Variants in RALYL observed in about 807,000 individuals in gnomAD.
The protein encoded by RALYL is RNA-binding Raly-like protein.
In RALYL, 29 loss-of-function variants were observed where a neutral mutation model predicts 35.1. The ratio of observed to expected loss-of-function variants is 0.83; its 90% CI spans 0.61 to 1.13. RALYL has a LOEUF of 1.13. Ranked by LOEUF, RALYL falls within the 50% of genes most tolerant of loss-of-function variation. The pLI is 0.00. For synonymous variants in RALYL, 120 were observed against 127.6 expected (o/e 0.94, Z 0.40); for missense variants, 359 against 360.4 (o/e 1.00, Z 0.03).
intron 2 of RALYL, among the ~76,000 whole-genome samples, chr8:84,596,146 T>C (rs1466649997): frequency 6.9e-6 from 1 of 145,018 alleles, no homozygotes; most frequent in Non-Finnish European, 1.6e-5. Context: ...AGTGTAAATT[T>C]TGAGAAGATG....
intron 1 of RALYL, among the ~76,000 whole-genome samples, chr8:84,395,592 T>C (rs1413465865): frequency 1.3e-5 from 2 of 151,946 alleles, no homozygotes; most frequent in African/African-American, 2.4e-5. Flanking sequence ...TAACATTTTG[T>C]TGTTTTCTAT....
intron 1 of RALYL, among the ~76,000 whole-genome samples, chr8:84,286,875 A>G (rs982853019): frequency 6.6e-6 from 1 of 152,166 alleles, no homozygotes; most frequent in African/African-American, 2.4e-5. Flanking sequence ...GTCAGGGTTC[A>G]GTCATCAGAT....
intron 2 of RALYL, among the ~76,000 whole-genome samples, chr8:84,731,802 C>A (rs1262162237): frequency 1.3e-5 from 2 of 152,080 alleles, no homozygotes; most frequent in African/African-American, 4.8e-5. Context: ...TTTAAAAAAA[C>A]CAAAGTCCTT....
At chr8:84,445,976 A>C (rs2048808015) in intron 1 of RALYL, among the ~76,000 whole-genome samples, 1 of 151,832 alleles carries the variant, frequency 6.6e-6, no homozygotes, top group Non-Finnish European at 1.5e-5. Context: ...ATAATATTTA[A>C]AAATATTGAT....
At chr8:84,728,172 G>A (rs923599264) in intron 2 of RALYL, among the ~76,000 whole-genome samples, 13 of 151,626 alleles carry the variant, frequency 8.6e-5, no homozygotes, top group Admixed American at 4.6e-4. Context: ...CATTCTAACT[G>A]GTGTGAGATG....
At chr8:84,870,479 C>A (rs1840002621) in intron 6 of RALYL, among the ~76,000 whole-genome samples, 1 of 151,384 alleles carries the variant, frequency 6.6e-6, no homozygotes, top group African/African-American at 2.4e-5. Flanking sequence ...TAATTTTTGA[C>A]AAGTTTTTTT....
At chr8:84,286,458 G>A (rs1045625400) in intron 1 of RALYL, among the ~76,000 whole-genome samples, 2 of 152,180 alleles carry the variant, frequency 1.3e-5, no homozygotes, top group East Asian at 3.9e-4. Context: ...GGGTCCATTT[G>A]TCTGGTGCAG....
At chr8:84,273,609 G>A (rs1303332401) in intron 1 of RALYL, among the ~76,000 whole-genome samples, 4 of 152,210 alleles carry the variant, frequency 2.6e-5, no homozygotes, top group Non-Finnish European at 4.4e-5. Context: ...ATGCGTACAT[G>A]TCTGTCTTTA....
chr8:84,468,068 G>A (rs185497181), intron 1 of RALYL, among the ~76,000 whole-genome samples: 8,022 of 150,224 alleles, frequency 0.053, 489 homozygotes, highest in African/African-American at 0.15. Context: ...CCTGAATACA[G>A]CACACTGATA....
At chr8:84,510,119 C>A (rs1157540247) in intron 1 of RALYL, among the ~76,000 whole-genome samples, 1 of 152,144 alleles carries the variant, frequency 6.6e-6, no homozygotes. Context: ...TTGGCAATAT[C>A]TATGAACATG....
intron 2 of RALYL, among the ~76,000 whole-genome samples, chr8:84,704,956 G>A (rs991901942): frequency 6.6e-6 from 1 of 152,116 alleles, no homozygotes; most frequent in African/African-American, 2.4e-5. Flanking sequence ...CTGCTTCTTG[G>A]CAAAAAGGTG....
chr8:84,364,423 A>T (rs1853764500), intron 1 of RALYL, among the ~76,000 whole-genome samples: 1 of 152,178 alleles, frequency 6.6e-6, no homozygotes. Flanking sequence ...ATGAAGTAGC[A>T]AATGACCTAC....
chr8:84,810,024 G>A (rs1825559567), intron 4 of RALYL, among the ~76,000 whole-genome samples: 1 of 151,622 alleles, frequency 6.6e-6, no homozygotes, highest in African/African-American at 2.4e-5. Context: ...TCTTTTACTG[G>A]GTTTGGTTTT....
At chr8:84,402,911 GTGA>G (rs2132008343) in intron 1 of RALYL, among the ~76,000 whole-genome samples, 1 of 152,274 alleles carries the variant, frequency 6.6e-6, no homozygotes, top group African/African-American at 2.4e-5. Context: ...CTGATGGCCA[GTGA>G]TGATGAACAT....
intron 2 of RALYL, among the ~76,000 whole-genome samples, chr8:84,630,304 G>A (rs1376268783): frequency 2.6e-5 from 4 of 151,948 alleles, no homozygotes; most frequent in Admixed American, 6.6e-5. Flanking sequence ...AACTCTTAGT[G>A]TAACTGGGAC....
At chr8:84,395,198 A>G (rs1861531032) in intron 1 of RALYL, among the ~76,000 whole-genome samples, 1 of 151,872 alleles carries the variant, frequency 6.6e-6, no homozygotes, top group Non-Finnish European at 1.5e-5. Flanking sequence ...CCTTGTATAC[A>G]TATATACATA....
At chr8:84,276,000 A>T (rs1305656801) in intron 1 of RALYL, among the ~76,000 whole-genome samples, 2 of 152,210 alleles carry the variant, frequency 1.3e-5, no homozygotes, top group African/African-American at 4.8e-5. Flanking sequence ...ACTCGGTGGC[A>T]TATAAAACAT....
At chr8:84,834,888 A>G (rs1831638591) in intron 4 of RALYL, among the ~76,000 whole-genome samples, 1 of 152,198 alleles carries the variant, frequency 6.6e-6, no homozygotes, top group South Asian at 2.1e-4. Context: ...GGTGACTAAA[A>G]CACCTGCCTT....
chr8:84,247,732 T>C lies in RALYL; in HGVS notation c.-24+63308T>C, dbSNP rs546002321. ...TAAAGTACCCCTTCAAGTGTAATAATACAGACACGTCTAATCGAAGTGAGC... is the reference window on the plus strand; with the variant it reads ...TAAAGTACCCCTTCAAGTGTAATAACACAGACACGTCTAATCGAAGTGAGC... On this transcript the variant is annotated intron_variant, in intron 1 of 8. Transcript: ENST00000521268. Among the ~76,000 whole-genome samples, 201 of 152,252 alleles carry C rather than the reference T, an allele frequency of 1.3e-3. 9 individuals carry two copies. In the South Asian group the frequency reaches 0.039, roughly 30 times the overall value.
Sources: allele counts gnomAD v4.1 joint callset (sites outside exome capture counted in the v4.1 genomes callset), GRCh38; gene constraint gnomAD v4.1.1; transcripts MANE v1.5; gene names NCBI Gene and HGNC (gene_info 2026-07-23, HGNC 2026-07-21).